Variants in MARF1 observed in about 807,000 individuals in gnomAD.
MARF1 encodes the protein limkain-b1.
Under a neutral mutation model 168.2 loss-of-function variants are expected in MARF1, and 24 were observed. The ratio of observed to expected loss-of-function variants is 0.14; its 90% CI spans 0.10 to 0.20. The LOEUF is 0.20. Among genes scored for constraint, MARF1 ranks in the 10% least tolerant of loss-of-function variants. The probability of loss-of-function intolerance (pLI) is 1.00; values close to 1 mark genes in which losing one functional copy is unlikely to be tolerated. For missense variants in MARF1, 1,744 were observed against 2,143.6 expected, an observed-to-expected ratio of 0.81 and a Z score of 3.68; for synonymous variants, 868 against 822.4, an observed-to-expected ratio of 1.06 and a Z score of -0.95.
Position 15,635,752 on chromosome 16 carries a change from C to T in MARF1, c.735G>A (p.Glu245=). 2 of 1,614,226 alleles carry T rather than the reference C, an allele frequency of 1.2e-6. No individual in the cohort carries two copies. The highest frequency in any genetic ancestry group is 1.1e-5 in the South Asian group (1 of 91,088). Residue 245 remains glutamate (E), a synonymous_variant, in exon 3 of 27, where the codon GAG becomes GAA. Coordinates refer to ENST00000396368, the MANE Select transcript of MARF1 (RefSeq NM_014647.4). ...GHLEEHISQS[E]LTPHLCTNSL... is the part of the protein sequence containing the mutation. ...AGTTGGTGCACAAGTGAGGCGTTAG[C>T]TCCGACTGTGAAATGTGCTCTTCCA...
chr16:15,623,274 C>CTTTTTTTTTTTTTTTTT lies in MARF1; in HGVS notation c.2271-168_2271-152dup, dbSNP rs71375044. The CTTTTTTTTTTTTTTTTT allele has an allele frequency of 1.7e-5, 2 of 114,990 alleles. 1 individual carries two copies. Among genetic ancestry groups the CTTTTTTTTTTTTTTTTT allele is most frequent in the African/African-American group, 8.8e-5 (2 of 22,750 alleles). 7.1% of individuals were successfully genotyped at this position (114,990 alleles called of 1,614,324 possible). A position where few individuals can be genotyped will look rare whatever the true frequency, so the allele number is the denominator to read the frequency against. ...TTTGGTTTTCAAATGTGTTTTTAAT[C>CTTTTTTTTTTTTTTTTT]TTTTTTTTTTTTTTTTTTTTTTTGA... On this transcript the variant is annotated intron_variant, in intron 10 of 26. Coordinates refer to ENST00000396368, the MANE Select transcript of MARF1 (RefSeq NM_014647.4).
At chr16:15,617,637 C>T in intron 13 of MARF1, 102 bp from the exon 14 acceptor site, 2 of 768,052 alleles carry the variant, frequency 2.6e-6, no homozygotes, top group Non-Finnish European at 4.3e-6. Flanking sequence ...AGAATGGTTC[C>T]TCCATCTCTT....
In MARF1 at chr16:15,595,347, AG is replaced by A. The variant is rs1490325396; in HGVS notation, c.*1345del. On this transcript the variant is annotated 3_prime_UTR_variant, in exon 27 of 27. Coordinates refer to ENST00000396368, the MANE Select transcript of MARF1 (RefSeq NM_014647.4). ...ATCAGAGTCCATTTTCTGGCTTTCT[AG>A]AAGTTACCAAATATAAACATTTCCC... 6.6e-6 allele frequency: 1 copy of A among 152,650 alleles called. No homozygotes were observed. Among genetic ancestry groups the A allele is most frequent in the East Asian group, 1.9e-4 (1 of 5,196 alleles). 9.5% of individuals were successfully genotyped at this position (152,650 alleles called of 1,614,324 possible).
chr16:15,600,459 G>C lies in MARF1; in HGVS notation c.4782C>G (p.Ala1594=). Residue 1594 remains alanine, a synonymous_variant, in exon 25 of 27, where the codon GCC becomes GCG. Coordinates refer to ENST00000396368, the MANE Select transcript of MARF1 (RefSeq NM_014647.4). Reference sequence around the variant, plus strand: ...CGTCAGCTCCAAGCTTGAGTTCCGAGGCTGTGTGCGATTCGGGCACCTCCA... The same window carrying C: ...CGTCAGCTCCAAGCTTGAGTTCCGACGCTGTGTGCGATTCGGGCACCTCCA... ...RILEVPESHT[A]SELKLGADGS... 1.2e-6 allele frequency: 2 copies of C among 1,614,126 alleles called. No homozygotes were observed. The highest frequency in any genetic ancestry group is 1.7e-6 in the Non-Finnish European group (2 of 1,180,040).
intron 3 of MARF1, 107 bp downstream of exon 3, chr16:15,635,549 G>T: frequency 9.9e-7 from 1 of 1,007,388 alleles, no homozygotes; most frequent in South Asian, 1.6e-5. Flanking sequence ...CCTATACCAT[G>T]GGAGAATCTT....
At position 15,620,536 on chromosome 16, in the gene MARF1, A is replaced by G. The variant is rs749973639; in HGVS notation, c.2640-5T>C. The stretch of plus-strand genomic sequence containing the variant: ...AGAACAGACATTGTTTCTGCACTGT[A>G]AAACAGAAGTTTGATTAGGGAACAG... On this transcript the variant is annotated splice_region_variant and splice_polypyrimidine_tract_variant and intron_variant, in intron 12 of 26. Coordinates refer to ENST00000396368, the MANE Select transcript of MARF1 (RefSeq NM_014647.4). 4 of 1,602,782 alleles carry G rather than the reference A, an allele frequency of 2.5e-6. No homozygotes were observed. The highest frequency in any genetic ancestry group is 1.1e-5 in the South Asian group (1 of 89,770).
intron 8 of MARF1, 78 bp downstream of exon 8, chr16:15,625,294 A>G (rs901803668): frequency 6.5e-7 from 1 of 1,549,518 alleles, no homozygotes; most frequent in African/African-American, 1.4e-5. Flanking sequence ...GGACACGCCA[A>G]AAGCAAGCGG....
At chr16:15,640,998 G>A (rs1036633813) in intron 1 of MARF1, among the ~76,000 whole-genome samples, 14 of 152,166 alleles carry the variant, frequency 9.2e-5, no homozygotes, top group Admixed American at 2.6e-4. Context: ...GAGAGACTGA[G>A]GTAGGAGGAT....
intron 7 of MARF1, 59 bp downstream of exon 7, chr16:15,630,258 CCTTATTATGGGCTGT>C (rs2035159900): frequency 7.0e-7 from 1 of 1,421,408 alleles, no homozygotes; most frequent in East Asian, 2.4e-5. Context: ...CTGGCAACCC[CCTTATTATGGGCTGT>C]CTTTCAGCCT....
intron 11 of MARF1, 92 bp from the exon 12 acceptor site, chr16:15,622,003 C>T (rs140106534): frequency 0.018 from 20,449 of 1,150,110 alleles, 214 homozygotes; most frequent in Non-Finnish European, 0.022. Flanking sequence ...ACACATTTGT[C>T]GACTGCAGCG....
Position 15,620,522 on chromosome 16 carries a change from T to G in MARF1, c.2649A>C (p.Thr883=). 6.2e-7 allele frequency: 1 copy of G among 1,611,830 alleles called. No homozygotes were observed. The highest frequency in any genetic ancestry group is 8.5e-7 in the Non-Finnish European group (1 of 1,178,240). ...CAGGGGCATCCTGAAGAACAGACATTGTTTCTGCACTGTAAAACAGAAGTT... is the reference window on the plus strand; with the variant it reads ...CAGGGGCATCCTGAAGAACAGACATGGTTTCTGCACTGTAAAACAGAAGTT... The part of the protein sequence containing the change: ...SKSLSLLSAE[T]MSVLQDAPAC... Residue 883 remains threonine, a synonymous_variant, in exon 13 of 27, where the codon ACA becomes ACC. Transcript: ENST00000396368.
Position 15,599,039 on chromosome 16 carries a change from A to C in MARF1, c.4814-15T>G. ...GTGACTGGGCCCTGGGCAAACAAGGAGGGCCGTGACACCACAGGACCTCCA... is the reference window on the plus strand; with the variant it reads ...GTGACTGGGCCCTGGGCAAACAAGGCGGGCCGTGACACCACAGGACCTCCA... On this transcript the variant is annotated splice_polypyrimidine_tract_variant and intron_variant, in intron 25 of 26. Transcript: ENST00000396368. 3.1e-6 allele frequency: 5 copies of C among 1,604,166 alleles called. No homozygotes were observed. The highest frequency in any genetic ancestry group is 4.2e-6 in the Non-Finnish European group (5 of 1,176,938).
chr16:15,601,165 T>C (rs1361945536), intron 23 of MARF1: 3 of 446,202 alleles, frequency 6.7e-6, no homozygotes, highest in South Asian at 1.6e-5. Context: ...AGAGTGGTAG[T>C]AGTGGAGCTA....
At position 15,609,567 on chromosome 16, in the gene MARF1, T is replaced by A. The variant is rs1208549308; in HGVS notation, c.3910A>T (p.Thr1304Ser). The change falls in exon 20 of 27, where the codon ACC (threonine) becomes TCC (serine). Residue 1304 changes from threonine to serine, a missense_variant. By Grantham distance (58) the Thr-to-Ser change is moderately conservative (BLOSUM62 1). Transcript: ENST00000396368. ...GCTTCAAAAAGTTCAAGTAGTTTGG[T>A]AAACCCATAGTACGCAAGTTTGCAC... ...RQCKLAYYGF[T>S]KLLELFEAIP... The A allele has an allele frequency of 1.6e-5, 26 of 1,614,076 alleles. No homozygotes were observed. The highest frequency in any genetic ancestry group is 2.1e-5 in the Non-Finnish European group (25 of 1,180,034).
At chr16:15,605,601 G>C (rs933458464) in intron 21 of MARF1, among the ~76,000 whole-genome samples, 1 of 152,064 alleles carries the variant, frequency 6.6e-6, no homozygotes, top group Non-Finnish European at 1.5e-5. Context: ...ACCAGAGCCT[G>C]CTCCTCTGGT....
intron 11 of MARF1, 96 bp from the exon 12 acceptor site, chr16:15,622,007 T>G (rs1260858071): frequency 1.8e-6 from 2 of 1,102,478 alleles, no homozygotes; most frequent in Non-Finnish European, 2.6e-6. Context: ...ATTTGTCGAC[T>G]GCAGCGCTTC....
chr16:15,614,035 A>G lies in MARF1; in HGVS notation c.3254-1258T>C, dbSNP rs552830989. Reference sequence around the variant, plus strand: ...GCAACTCAGGACATGCCCGTAACTCAGACACTCACCCAAGTCTAGGTCCAA... The same window carrying G: ...GCAACTCAGGACATGCCCGTAACTCGGACACTCACCCAAGTCTAGGTCCAA... On this transcript the variant is annotated intron_variant, in intron 16 of 26. Transcript: ENST00000396368. 6.6e-5 allele frequency among the ~76,000 whole-genome samples: 10 copies of G among 152,326 alleles called. No individual in the cohort carries two copies. The East Asian group carries it at 1.7e-3, about 26-fold the overall frequency.
Position 15,596,485 on chromosome 16 carries a change from A to T in MARF1, c.*208T>A, listed in dbSNP as rs1393676455. The T allele has an allele frequency of 2.4e-6, 1 of 421,622 alleles. No individual in the cohort carries two copies. The highest frequency in any genetic ancestry group is 4.1e-6 in the Non-Finnish European group (1 of 245,536). 26.1% of individuals were successfully genotyped at this position (421,622 alleles called of 1,614,324 possible). A position where few individuals can be genotyped will look rare whatever the true frequency, so the allele number is the denominator to read the frequency against. On this transcript the variant is annotated 3_prime_UTR_variant, in exon 27 of 27. Transcript: ENST00000396368. ...GCCACAAGTTCTTCAAATAATTGAA[A>T]AAAGAAAGAAAAAGGAAGAAGAAAA...
Position 15,595,255 on chromosome 16 carries a change from A to C in MARF1, c.*1438T>G, listed in dbSNP as rs374731265. The C allele has an allele frequency of 3.9e-5, 6 of 152,688 alleles. No homozygotes were observed. Among genetic ancestry groups the C allele is most frequent in the African/African-American group, 1.4e-4 (6 of 41,574 alleles). The allele number at this position is 152,688 out of a possible 1,614,324, so 9.5% of individuals were successfully genotyped here. ...CTTCATTTAAAAGATTTGGGGAACA[A>C]AAAATCTGACTTGTAAAAATCTCTC... On this transcript the variant is annotated 3_prime_UTR_variant, in exon 27 of 27. Transcript: ENST00000396368.
Sources: gnomAD v4.1 joint callset for allele counts (sites outside exome capture counted in the v4.1 genomes callset) on GRCh38, gnomAD v4.1.1 for gene constraint, MANE v1.5 for transcripts, NCBI Gene and HGNC (gene_info 2026-07-23, HGNC 2026-07-21) for gene names.